Variants in CCDC91 observed in about 807,000 individuals in gnomAD.
CCDC91 encodes the protein coiled-coil domain containing 91.
CCDC91 carries 48 observed loss-of-function variants against 63.2 expected under a neutral mutation model. The observed-to-expected ratio is 0.76, with a 90% CI of 0.60 to 0.97. The LOEUF (loss-of-function observed/expected upper bound fraction) is 0.97, where lower values mean the gene tolerates loss of function less well. CCDC91 is among the 50% of genes least tolerant of loss of function. The pLI, the probability that CCDC91 is intolerant of heterozygous loss-of-function variation, is 0.00. For missense variants in CCDC91, 500 were observed against 494.6 expected, an observed-to-expected ratio of 1.01 and a Z score of -0.10; for synonymous variants, 167 against 165.8, an observed-to-expected ratio of 1.01 and a Z score of -0.06.
chr12:28,392,273 G>A (rs17512165), intron 8 of CCDC91, among the ~76,000 whole-genome samples: 3,615 of 152,198 alleles, frequency 0.024, 75 homozygotes, highest in Non-Finnish European at 0.037. Flanking sequence ...GATAGAAACA[G>A]CATGAGGCAT....
intron 6 of CCDC91, among the ~76,000 whole-genome samples, chr12:28,323,535 G>A (rs185930569): frequency 6.6e-6 from 1 of 151,766 alleles, no homozygotes; most frequent in East Asian, 1.9e-4. Flanking sequence ...CTGTTTTATT[G>A]CACATTTAGA....
chr12:28,537,887 T>C (rs1483925057), intron 12 of CCDC91, among the ~76,000 whole-genome samples: 1 of 152,132 alleles, frequency 6.6e-6, no homozygotes, highest in Non-Finnish European at 1.5e-5. Flanking sequence ...TATTTCCAGC[T>C]GGGAGGAAGT....
chr12:28,236,758 T>G (rs1258865747), intron 1 of CCDC91: 1 of 152,104 alleles, frequency 6.6e-6, no homozygotes, highest in Non-Finnish European at 1.5e-5. Flanking sequence ...TTTATTTTCA[T>G]TATGGAATGT....
intron 8 of CCDC91, among the ~76,000 whole-genome samples, chr12:28,445,316 C>T (rs1243528434): frequency 6.6e-6 from 1 of 152,212 alleles, no homozygotes; most frequent in South Asian, 2.1e-4. Context: ...TAGTCCCCCT[C>T]CCCCACAAAA....
At chr12:28,496,418 G>A (rs1020509377) in intron 12 of CCDC91, among the ~76,000 whole-genome samples, 11 of 151,702 alleles carry the variant, frequency 7.3e-5, no homozygotes, top group African/African-American at 2.7e-4. Context: ...CATAGGAGCA[G>A]AGCAGGCTAG....
intron 12 of CCDC91, among the ~76,000 whole-genome samples, chr12:28,526,416 AGGCTAAAGATAG>A (rs1941269147): frequency 6.6e-6 from 1 of 152,062 alleles, no homozygotes; most frequent in East Asian, 1.9e-4. Context: ...TTGTTTGAGG[AGGCTAAAGATAG>A]GGCCCCAATC....
chr12:28,350,836 A>G (rs750193373), intron 6 of CCDC91, among the ~76,000 whole-genome samples: 2 of 152,214 alleles, frequency 1.3e-5, no homozygotes, highest in East Asian at 1.9e-4. Context: ...CTGTGTCTCA[A>G]ATATCCCTCT....
At position 28,320,327 on chromosome 12, in the gene CCDC91, A is replaced by G. The variant is rs1383024082; in HGVS notation, c.576+12578A>G. Among the ~76,000 whole-genome samples, 3 of 151,948 alleles carry G rather than the reference A, an allele frequency of 2.0e-5. No homozygotes were observed. The East Asian group carries it at 5.8e-4, about 30-fold the overall frequency. On this transcript the variant is annotated intron_variant, in intron 6 of 12. Transcript: ENST00000536442. ...TACCCAAGGAACATTCCCAGAGTGCACACAGACTTTTTTTTGTAGTCAATA... is the reference window on the plus strand; with the variant it reads ...TACCCAAGGAACATTCCCAGAGTGCGCACAGACTTTTTTTTGTAGTCAATA...
chr12:28,318,011 A>G (rs1173610868), intron 6 of CCDC91, among the ~76,000 whole-genome samples: 1 of 152,056 alleles, frequency 6.6e-6, no homozygotes, highest in Non-Finnish European at 1.5e-5. Flanking sequence ...CAGCAACTTA[A>G]GTAAAATAAG....
intron 3 of CCDC91, among the ~76,000 whole-genome samples, chr12:28,286,667 A>G (rs1243768095): frequency 6.6e-6 from 1 of 152,188 alleles, no homozygotes; most frequent in African/African-American, 2.4e-5. Context: ...GCTGCAGTAA[A>G]TGTACACTTG....
intron 6 of CCDC91, among the ~76,000 whole-genome samples, chr12:28,314,040 G>A (rs887092842): frequency 6.6e-6 from 1 of 152,022 alleles, no homozygotes; most frequent in Non-Finnish European, 1.5e-5. Context: ...ATCTTTGATA[G>A]TCGTCAGTAT....
intron 7 of CCDC91, among the ~76,000 whole-genome samples, chr12:28,385,954 T>C (rs1315553257): frequency 6.6e-6 from 1 of 152,240 alleles, no homozygotes; most frequent in Non-Finnish European, 1.5e-5. Flanking sequence ...TGGCATGATT[T>C]TTGACTTAAT....
At chr12:28,382,056 T>C (rs1945327982) in intron 7 of CCDC91, among the ~76,000 whole-genome samples, 1 of 152,102 alleles carries the variant, frequency 6.6e-6, no homozygotes, top group African/African-American at 2.4e-5. Context: ...AAATAACTAA[T>C]AGAAGTATTT....
chr12:28,309,226 G>T (rs1939064116), intron 6 of CCDC91, among the ~76,000 whole-genome samples: 1 of 151,950 alleles, frequency 6.6e-6, no homozygotes, highest in Non-Finnish European at 1.5e-5. Context: ...ATTGTTTAAT[G>T]TGCCCACCTC....
At chr12:28,278,604 C>T (rs184186704) in intron 3 of CCDC91, among the ~76,000 whole-genome samples, 32 of 152,106 alleles carry the variant, frequency 2.1e-4, no homozygotes, top group African/African-American at 6.3e-4. Context: ...TTTGTTTATT[C>T]AGTATAGTTA....
At position 28,549,016 on chromosome 12, in the gene CCDC91, CAG is replaced by C. The variant is rs373511350; in HGVS notation, c.1216-46_1216-45del. ...ACATAATATTCTTTATCCTTCAACT[CAG>C]TATTTTTTTTTCTCTTTCTCTCTCT... On this transcript the variant is annotated intron_variant, in intron 12 of 12. Coordinates refer to ENST00000536442, the MANE Select transcript of CCDC91 (RefSeq NM_018318.5). 3.0e-5 allele frequency: 38 copies of C among 1,267,148 alleles called. No individual in the cohort carries two copies. In the African/African-American group the frequency reaches 4.7e-4, roughly 16 times the overall value. 78.5% of individuals were successfully genotyped at this position (1,267,148 alleles called of 1,614,324 possible). A position where few individuals can be genotyped will look rare whatever the true frequency, so the allele number is the denominator to read the frequency against.
At chr12:28,234,548 G>C (rs114435021) in intron 1 of CCDC91, among the ~76,000 whole-genome samples, 2,269 of 152,126 alleles carry the variant, frequency 0.015, 69 homozygotes, top group African/African-American at 0.052. Context: ...AAAATGTTTG[G>C]AAACAAAAAT....
chr12:28,201,771 A>G (rs1261258367), intron 1 of CCDC91, among the ~76,000 whole-genome samples: 1 of 143,918 alleles, frequency 6.9e-6, no homozygotes, highest in South Asian at 2.2e-4. Context: ...TCCGTCTGCA[A>G]TCCCGGCACC....
intron 1 of CCDC91, among the ~76,000 whole-genome samples, chr12:28,227,080 GTACT>G (rs1340075663): frequency 6.6e-6 from 1 of 152,078 alleles, no homozygotes; most frequent in African/African-American, 2.4e-5. Flanking sequence ...TGTATCAAGG[GTACT>G]TACTATCAAC....
Sources: allele counts gnomAD v4.1 joint callset (sites outside exome capture counted in the v4.1 genomes callset), GRCh38; gene constraint gnomAD v4.1.1; transcripts MANE v1.5; gene names NCBI Gene and HGNC (gene_info 2026-07-23, HGNC 2026-07-21).